The following CSMD2 variants were observed in gnomAD, a reference collection of about 807,000 sequenced individuals.
The protein encoded by CSMD2 is CUB and sushi domain-containing protein 2.
In CSMD2, 130 loss-of-function variants were observed where a neutral mutation model predicts 398.5. The ratio of observed to expected loss-of-function variants is 0.33; its 90% CI spans 0.28 to 0.38. The LOEUF is 0.38. Ranked by LOEUF, CSMD2 falls within the 10% of genes least tolerant of loss-of-function variation. The pLI is 1.00. For missense variants in CSMD2, 3,829 were observed against 4,764.9 expected (o/e 0.80, Z 5.78); for synonymous variants, 1,828 against 1,908.5 (o/e 0.96, Z 1.10).
At position 33,571,728 on chromosome 1, in the gene CSMD2, T is replaced by TG; in HGVS notation, c.7763-3dup. On this transcript the variant is annotated splice_polypyrimidine_tract_variant and splice_region_variant and intron_variant, in intron 50 of 70. Transcript: ENST00000373381. ...TACTGACATCAGGACAAGTCACAGC[T>TG]GGGGAAATGAGGAAAAGAAAGGAGG... 1 of 1,469,678 alleles carries TG rather than the reference T, an allele frequency of 6.8e-7. No homozygotes were observed. Among genetic ancestry groups the TG allele is most frequent in the Non-Finnish European group, 9.1e-7 (1 of 1,095,304 alleles). The allele number at this position is 1,469,678 out of a possible 1,614,324, so 91.0% of individuals were successfully genotyped here.
At chr1:33,880,175 G>A (rs1293482895) in intron 5 of CSMD2, among the ~76,000 whole-genome samples, 5 of 152,062 alleles carry the variant, frequency 3.3e-5, no homozygotes, top group African/African-American at 1.2e-4. Flanking sequence ...TATATACCAG[G>A]CACCCCAAAA....
chr1:34,027,052 G>GAT (rs1649740878), intron 3 of CSMD2, among the ~76,000 whole-genome samples: 1 of 152,108 alleles, frequency 6.6e-6, no homozygotes, highest in African/African-American at 2.4e-5. Context: ...ACCAAAAATA[G>GAT]ATAGCATAAA....
intron 12 of CSMD2, among the ~76,000 whole-genome samples, chr1:33,780,158 T>C (rs1569890753): frequency 6.6e-6 from 1 of 152,272 alleles, no homozygotes; most frequent in Admixed American, 6.5e-5. Context: ...TTCCACTCTT[T>C]GTATCTCCAG....
At chr1:33,800,378 G>T (rs1397911434) in intron 10 of CSMD2, among the ~76,000 whole-genome samples, 1 of 152,120 alleles carries the variant, frequency 6.6e-6, no homozygotes, top group Non-Finnish European at 1.5e-5. Flanking sequence ...TACTAAGAAG[G>T]GTCAGAGGTT....
At chr1:33,702,728 C>T (rs777699668) in intron 22 of CSMD2, among the ~76,000 whole-genome samples, 4 of 152,090 alleles carry the variant, frequency 2.6e-5, no homozygotes, top group Non-Finnish European at 5.9e-5. Flanking sequence ...TAAAAATTAA[C>T]CCAATCTGCA....
intron 1 of CSMD2, among the ~76,000 whole-genome samples, chr1:34,159,076 C>G (rs1427679402): frequency 1.3e-5 from 2 of 152,210 alleles, no homozygotes; most frequent in Non-Finnish European, 2.9e-5. Flanking sequence ...CAACCTGCCT[C>G]TGATTGTCTC....
At position 33,533,813 on chromosome 1, in the gene CSMD2, G is replaced by T. The variant is rs146010136; in HGVS notation, c.9974C>A (p.Thr3325Asn). 713 of 1,612,860 alleles carry T rather than the reference G, an allele frequency of 4.4e-4. 1 individual carries two copies. Among genetic ancestry groups the T allele is most frequent in the Non-Finnish European group, 5.5e-4 (653 of 1,178,868 alleles). ...GCACTCACGGACACAGTCAGGTGGG[G>T]TTCCACTCCAGGTCAGGTTTGGGAG... is the stretch of plus-strand genomic sequence containing the variant. ...TCLPNLTWSG[T>N]PPDCVPHHCR... The change falls in exon 63 of 71, where the codon ACC (threonine) becomes AAC (asparagine). Residue 3325 changes from threonine (T) to asparagine (N), a missense_variant. Thr to Asn is a moderately conservative substitution (Grantham distance 65). Around this residue, in one of 5 missense-constraint regions of CSMD2, gnomAD observed 917 missense variants for 1,199.5 expected, o/e 0.76. Coordinates refer to ENST00000373381, the MANE Select transcript of CSMD2 (RefSeq NM_001281956.2). This position sits in a 1 kb window ranked among gnomAD's most constrained non-coding sequence, Gnocchi z 4.2.
chr1:34,017,078 T>C (rs945826654), intron 3 of CSMD2, among the ~76,000 whole-genome samples: 6 of 152,230 alleles, frequency 3.9e-5, no homozygotes, highest in African/African-American at 1.4e-4. Context: ...AAATCCAGTA[T>C]ATATGCCAGT....
chr1:33,659,880 C>T (rs993721117), intron 26 of CSMD2, among the ~76,000 whole-genome samples: 50 of 152,340 alleles, frequency 3.3e-4, no homozygotes, highest in African/African-American at 1.2e-3. Context: ...TAAAGTTTTA[C>T]TGGAACACAG....
intron 5 of CSMD2, among the ~76,000 whole-genome samples, chr1:33,916,735 G>C (rs1424287164): frequency 6.6e-6 from 1 of 152,138 alleles, no homozygotes; most frequent in Non-Finnish European, 1.5e-5. Context: ...CTATACTTGG[G>C]AAGAATCCAT....
At chr1:33,748,498 G>T (rs1484034629) in intron 13 of CSMD2, among the ~76,000 whole-genome samples, 1 of 152,100 alleles carries the variant, frequency 6.6e-6, no homozygotes, top group Non-Finnish European at 1.5e-5. Context: ...TAATTACTGT[G>T]CATTATATTA....
intron 5 of CSMD2, among the ~76,000 whole-genome samples, chr1:33,906,701 G>A (rs1415165616): frequency 6.6e-6 from 1 of 152,154 alleles, no homozygotes; most frequent in African/African-American, 2.4e-5. Flanking sequence ...TGGAGATATT[G>A]GTGGTCCATC....
intron 2 of CSMD2, among the ~76,000 whole-genome samples, chr1:34,074,127 C>T (rs1361733460): frequency 6.6e-6 from 1 of 152,158 alleles, no homozygotes; most frequent in East Asian, 1.9e-4. Flanking sequence ...CCACCAGGCC[C>T]CACCTCCCAC....
chr1:34,043,034 C>T (rs1374161625), intron 2 of CSMD2, among the ~76,000 whole-genome samples: 2 of 152,098 alleles, frequency 1.3e-5, no homozygotes, highest in Non-Finnish European at 2.9e-5. Flanking sequence ...CGTGATCTGC[C>T]CGCCTTGGCC....
intron 3 of CSMD2, among the ~76,000 whole-genome samples, chr1:34,029,911 G>A (rs539124208): frequency 4.6e-5 from 7 of 152,342 alleles, no homozygotes; most frequent in Admixed American, 4.6e-4. Context: ...GAGTCTTGCT[G>A]TGGAATGTTG....
At chr1:33,837,118 T>A (rs535005545) in intron 6 of CSMD2, among the ~76,000 whole-genome samples, 1 of 152,280 alleles carries the variant, frequency 6.6e-6, no homozygotes, top group South Asian at 2.1e-4. Context: ...CTTGTTTTTT[T>A]AACAGTCTGC....
At chr1:33,880,795 C>T (rs1641183488) in intron 5 of CSMD2, among the ~76,000 whole-genome samples, 2 of 152,176 alleles carry the variant, frequency 1.3e-5, no homozygotes, top group Admixed American at 1.3e-4. Flanking sequence ...CTCTTAAGAC[C>T]TACCAAGGGG....
In CSMD2 at chr1:33,929,432, C is replaced by CTTTTTTTTTTTTTTTTTTTTTTT. The variant is rs936900076; in HGVS notation, c.712+6305_712+6327dup. Among the ~76,000 whole-genome samples the CTTTTTTTTTTTTTTTTTTTTTTT allele has an allele frequency of 1.3e-4, 13 of 100,646 alleles. 2 individuals are homozygous for CTTTTTTTTTTTTTTTTTTTTTTT. The highest frequency in any genetic ancestry group is 5.8e-4 in the African/African-American group (13 of 22,506). The allele number at this position is 100,646 out of a possible 152,430, so 66.0% of individuals were successfully genotyped here. ...TCCTGAACTCAGAACCAAGCCTATA[C>CTTTTTTTTTTTTTTTTTTTTTTT]TTTTTTTTTTTTTTTTTTTTTTTGA... is the stretch of plus-strand genomic sequence containing the variant. On this transcript the variant is annotated intron_variant, in intron 4 of 70. Transcript: ENST00000373381.
At chr1:33,568,053 T>C (rs1225981615) in intron 52 of CSMD2, among the ~76,000 whole-genome samples, 1 of 152,106 alleles carries the variant, frequency 6.6e-6, no homozygotes, top group East Asian at 1.9e-4. Flanking sequence ...CACAGATGTG[T>C]GCAAAATGAT....
Sources: gnomAD v4.1 joint callset for allele counts (sites outside exome capture counted in the v4.1 genomes callset) on GRCh38, gnomAD v4.1.1 for gene constraint, gnomAD v4.1.1 regional missense constraint, Gnocchi (gnomAD v3.1) non-coding constraint, MANE v1.5 for transcripts, NCBI Gene and HGNC (gene_info 2026-07-23, HGNC 2026-07-21) for gene names.